The following MAP4K4 variants were observed in gnomAD, a reference collection of about 807,000 sequenced individuals.
MAP4K4 encodes the protein HPK/GCK-like kinase HGK.
In MAP4K4, 38 loss-of-function variants were observed where a neutral mutation model predicts 189.6. That is an observed-to-expected ratio of 0.20 (90% CI 0.15 to 0.26). MAP4K4 has a LOEUF of 0.26. Ranked by LOEUF, MAP4K4 falls within the 10% of genes least tolerant of loss-of-function variation. MAP4K4 has a pLI of 1.00. For missense variants in MAP4K4, 1,054 were observed against 1,726.9 expected (o/e 0.61, Z 6.91); for synonymous variants, 610 against 624.3 (o/e 0.98, Z 0.34).
At chr2:101,880,715 G>A (rs763268820) in intron 27 of MAP4K4, among the ~76,000 whole-genome samples, 9 of 152,064 alleles carry the variant, frequency 5.9e-5, no homozygotes, top group Non-Finnish European at 1.0e-4. Flanking sequence ...CACCATGTTG[G>A]TCAGGCTGAT....
intron 24 of MAP4K4, among the ~76,000 whole-genome samples, chr2:101,872,928 A>G (rs1479650463): frequency 1.3e-5 from 2 of 152,130 alleles, no homozygotes; most frequent in Non-Finnish European, 2.9e-5. Context: ...CCCTTAACTC[A>G]CTAAACCGGC....
exon 15 of MAP4K4, chr2:101,859,662 T>A (rs1485772173): frequency 5.0e-6 from 8 of 1,609,598 alleles, no homozygotes; most frequent in Non-Finnish European, 6.8e-6. Context: ...TGGCGGGAGA[T>A]GGAGGAGCAC....
chr2:101,731,778 G>A (rs1216740974), intron 2 of MAP4K4, among the ~76,000 whole-genome samples: 2 of 151,554 alleles, frequency 1.3e-5, no homozygotes, highest in East Asian at 3.9e-4. Context: ...AAGATGGAGG[G>A]GAGGGGTAGG....
At chr2:101,892,905 T>A (rs572724586) in exon 33 of MAP4K4, 110 of 456,342 alleles carry the variant, frequency 2.4e-4, no homozygotes, top group Non-Finnish European at 4.4e-4. Context: ...CATCTTACTT[T>A]CCTCTTGTCG....
intron 3 of MAP4K4, among the ~76,000 whole-genome samples, chr2:101,793,776 C>G (rs182474581): frequency 1.3e-5 from 2 of 152,060 alleles, no homozygotes; most frequent in Non-Finnish European, 2.9e-5. Context: ...GCTCTTCTCC[C>G]GAGCTGTCAG....
At chr2:101,755,098 AT>A (rs1181368258) in intron 2 of MAP4K4, among the ~76,000 whole-genome samples, 1 of 152,054 alleles carries the variant, frequency 6.6e-6, no homozygotes, top group Non-Finnish European at 1.5e-5. Context: ...TGTTTGCTAG[AT>A]TTGGTAATCA....
chr2:101,748,130 T>C (rs1441656959), intron 2 of MAP4K4, among the ~76,000 whole-genome samples: 1 of 152,234 alleles, frequency 6.6e-6, no homozygotes, highest in Non-Finnish European at 1.5e-5. Context: ...AGCATGTTAG[T>C]ATTTCATAGA....
At chr2:101,725,204 T>C (rs537250455) in intron 2 of MAP4K4, among the ~76,000 whole-genome samples, 5 of 152,078 alleles carry the variant, frequency 3.3e-5, no homozygotes, top group Non-Finnish European at 5.9e-5. Flanking sequence ...GATAGCATGG[T>C]TTATACCTAG....
intron 18 of MAP4K4, among the ~76,000 whole-genome samples, chr2:101,865,305 G>C (rs2097779738): frequency 6.6e-6 from 1 of 152,200 alleles, no homozygotes. Context: ...GGAGCAGCAA[G>C]GAAGGGGGAG....
intron 2 of MAP4K4, among the ~76,000 whole-genome samples, chr2:101,781,936 A>G (rs1183832024): frequency 1.3e-5 from 2 of 152,210 alleles, no homozygotes; most frequent in Non-Finnish European, 2.9e-5. Context: ...ACACAGCTGT[A>G]AATGACTGAA....
intron 2 of MAP4K4, among the ~76,000 whole-genome samples, chr2:101,748,750 C>G (rs2066941228): frequency 6.6e-6 from 1 of 151,878 alleles, no homozygotes; most frequent in Admixed American, 6.6e-5. Context: ...GATTGTATAT[C>G]TAGAAAACCC....
chr2:101,765,470 G>T (rs554426379), intron 2 of MAP4K4, among the ~76,000 whole-genome samples: 1 of 152,140 alleles, frequency 6.6e-6, no homozygotes, highest in East Asian at 1.9e-4. Flanking sequence ...GCTGGGAGGT[G>T]CGCGCCACCA....
chr2:101,746,980 A>G (rs1228716621), intron 2 of MAP4K4, among the ~76,000 whole-genome samples: 1 of 151,456 alleles, frequency 6.6e-6, no homozygotes, highest in Non-Finnish European at 1.5e-5. Flanking sequence ...GTGTCCCCCT[A>G]CTCTTTCGCT....
chr2:101,724,402 A>G (rs1282022886), intron 2 of MAP4K4, among the ~76,000 whole-genome samples: 1 of 152,180 alleles, frequency 6.6e-6, no homozygotes, highest in Non-Finnish European at 1.5e-5. Flanking sequence ...TTCCTTTTAT[A>G]CAAAAGGAGG....
At chr2:101,725,407 CAAA>C (rs201929026) in intron 2 of MAP4K4, among the ~76,000 whole-genome samples, 3 of 140,940 alleles carry the variant, frequency 2.1e-5, no homozygotes, top group African/African-American at 7.7e-5. Context: ...AAAACAAAAA[CAAA>C]AAAAAACCAA....
At chr2:101,830,121 T>G (rs2096550746) in intron 6 of MAP4K4, among the ~76,000 whole-genome samples, 1 of 152,174 alleles carries the variant, frequency 6.6e-6, no homozygotes, top group Non-Finnish European at 1.5e-5. Context: ...GTTACGGGCC[T>G]TTTCCAACCT....
At chr2:101,859,016 A>G (rs777119505) in exon 14 of MAP4K4, 89 of 1,612,524 alleles carry the variant, frequency 5.5e-5, no homozygotes, top group Non-Finnish European at 7.5e-5. Flanking sequence ...GGCGACAGCT[A>G]GAAGAGGAGC....
intron 2 of MAP4K4, among the ~76,000 whole-genome samples, chr2:101,740,347 G>T (rs1165773842): frequency 1.8e-5 from 2 of 111,484 alleles, no homozygotes; most frequent in East Asian, 4.2e-4. Context: ...TAGAGACGGG[G>T]TTTCACCGTT....
intron 9 of MAP4K4, among the ~76,000 whole-genome samples, chr2:101,838,960 C>T (rs1259517081): frequency 6.6e-6 from 1 of 152,182 alleles, no homozygotes; most frequent in Non-Finnish European, 1.5e-5. Flanking sequence ...CAGTTTTTGA[C>T]GTGTACCATT....
Sources: gnomAD v4.1 joint callset for allele counts (sites outside exome capture counted in the v4.1 genomes callset) on GRCh38, gnomAD v4.1.1 for gene constraint, MANE v1.5 for transcripts, NCBI Gene and HGNC (gene_info 2026-07-23, HGNC 2026-07-21) for gene names.